The following KIAA1328 variants were observed in gnomAD, a reference collection of about 807,000 sequenced individuals.
The protein encoded by KIAA1328 is protein hinderin.
A neutral mutation model predicts 68.1 loss-of-function variants in KIAA1328; 52 were observed. The observed-to-expected ratio is 0.76, with a 90% CI of 0.61 to 0.96. The LOEUF (loss-of-function observed/expected upper bound fraction) is 0.96, where lower values mean the gene tolerates loss of function less well. KIAA1328 is among the 40% of genes least tolerant of loss of function. The probability of loss-of-function intolerance (pLI) is 0.00; values close to 1 mark genes in which losing one functional copy is unlikely to be tolerated. For synonymous variants in KIAA1328, 232 were observed against 239.4 expected (o/e 0.97, Z 0.28); for missense variants, 641 against 677.6 (o/e 0.95, Z 0.60).
chr18:36,928,708 G>A (rs558202230), intron 5 of KIAA1328, among the ~76,000 whole-genome samples: 3 of 152,300 alleles, frequency 2.0e-5, no homozygotes, highest in East Asian at 3.9e-4. Flanking sequence ...GTGTGCGCAC[G>A]CATGTGCACA....
At chr18:36,954,598 T>C (rs1411849188) in intron 5 of KIAA1328, 1 of 152,178 alleles carries the variant, frequency 6.6e-6, no homozygotes, top group Non-Finnish European at 1.5e-5. Flanking sequence ...GAATTAGTTA[T>C]TACATTGGGC....
At chr18:37,064,910 CAG>C (rs2056291482) in intron 6 of KIAA1328, among the ~76,000 whole-genome samples, 1 of 152,188 alleles carries the variant, frequency 6.6e-6, no homozygotes, top group Admixed American at 6.5e-5. Context: ...CCCAGTGAAA[CAG>C]ATTTCTAATT....
intron 6 of KIAA1328, among the ~76,000 whole-genome samples, chr18:37,046,632 C>T (rs1178918793): frequency 4.6e-5 from 7 of 152,212 alleles, no homozygotes; most frequent in Admixed American, 4.6e-4. Flanking sequence ...ACCTTGGTAA[C>T]ACTTCAGTGC....
chr18:37,156,341 G>A (rs1038720056), intron 7 of KIAA1328, among the ~76,000 whole-genome samples: 5 of 148,754 alleles, frequency 3.4e-5, no homozygotes, highest in African/African-American at 1.2e-4. Context: ...CAGGAGAACC[G>A]CTTGAACCCG....
At chr18:37,212,306 G>A (rs1195680128) in intron 9 of KIAA1328, among the ~76,000 whole-genome samples, 1 of 152,142 alleles carries the variant, frequency 6.6e-6, no homozygotes, top group Non-Finnish European at 1.5e-5. Context: ...AATAAAAGCT[G>A]CAAAAGAAAA....
chr18:36,941,732 C>G (rs958115545), intron 5 of KIAA1328, among the ~76,000 whole-genome samples: 1 of 152,036 alleles, frequency 6.6e-6, no homozygotes, highest in Admixed American at 6.5e-5. Context: ...CATAATTACT[C>G]TTACCCTATT....
At chr18:36,844,636 C>G (rs1178164449) in intron 4 of KIAA1328, among the ~76,000 whole-genome samples, 2 of 151,840 alleles carry the variant, frequency 1.3e-5, no homozygotes, top group African/African-American at 4.8e-5. Context: ...TAGCAGTTAC[C>G]TTTGATTTTT....
Position 37,067,562 on chromosome 18 carries a change from C to CT in KIAA1328, c.1232+33dup, listed in dbSNP as rs11311186. 0.058 allele frequency: 75,333 copies of CT among 1,306,364 alleles called. No individual in the cohort carries two copies. Among genetic ancestry groups the CT allele is most frequent in the East Asian group, 0.07 (2,597 of 36,918 alleles). The allele number at this position is 1,306,364 out of a possible 1,614,324, so 80.9% of individuals were successfully genotyped here. A position where few individuals can be genotyped will look rare whatever the true frequency, so the allele number is the denominator to read the frequency against. ...TTACAATTGGTGAGTACTGCCTGTT[C>CT]TTTTTTTTTTTTTTTTGAGACGAAA... On this transcript the variant is annotated intron_variant, in intron 7 of 9. Transcript: ENST00000280020.
chr18:36,871,638 G>A (rs1215216958), intron 4 of KIAA1328, among the ~76,000 whole-genome samples: 1 of 152,044 alleles, frequency 6.6e-6, no homozygotes, highest in Non-Finnish European at 1.5e-5. Flanking sequence ...ATGTAGGTAT[G>A]TCTAAGTGAC....
At chr18:36,865,450 A>G (rs1293106172) in intron 4 of KIAA1328, among the ~76,000 whole-genome samples, 2 of 152,134 alleles carry the variant, frequency 1.3e-5, no homozygotes, top group East Asian at 3.9e-4. Flanking sequence ...TTGTTTTATG[A>G]TGTAGTATAT....
chr18:36,922,867 A>G (rs1447921932), intron 5 of KIAA1328, among the ~76,000 whole-genome samples: 1 of 152,092 alleles, frequency 6.6e-6, no homozygotes, highest in Non-Finnish European at 1.5e-5. Flanking sequence ...TTTGGGGGTC[A>G]TTTTACGTAC....
chr18:37,130,902 T>C (rs1047715869), intron 7 of KIAA1328, among the ~76,000 whole-genome samples: 6 of 152,216 alleles, frequency 3.9e-5, no homozygotes, highest in Non-Finnish European at 7.3e-5. Flanking sequence ...TGGCCATATG[T>C]TCCAGGGCTT....
chr18:36,936,752 TTCTC>T (rs1157288055), intron 5 of KIAA1328, among the ~76,000 whole-genome samples: 1 of 152,228 alleles, frequency 6.6e-6, no homozygotes, highest in Non-Finnish European at 1.5e-5. Flanking sequence ...GCTTTTCTAT[TTCTC>T]CACAGCCTTG....
intron 6 of KIAA1328, among the ~76,000 whole-genome samples, chr18:37,012,253 C>T (rs1044301832): frequency 5.3e-5 from 8 of 152,138 alleles, no homozygotes; most frequent in African/African-American, 1.9e-4. Context: ...TGTTTCTGAA[C>T]ACCCAGGAAA....
chr18:36,867,631 G>A (rs959372566), intron 4 of KIAA1328, among the ~76,000 whole-genome samples: 4 of 152,148 alleles, frequency 2.6e-5, no homozygotes, highest in African/African-American at 9.7e-5. Flanking sequence ...CATGTATCTT[G>A]GAGGGTTTAA....
At chr18:37,060,722 G>T (rs1004154191) in intron 6 of KIAA1328, among the ~76,000 whole-genome samples, 1 of 152,040 alleles carries the variant, frequency 6.6e-6, no homozygotes, top group African/African-American at 2.4e-5. Flanking sequence ...CCTAATATAA[G>T]ACTATTCATA....
chr18:37,225,649 G>T (rs1450476432), downstream of KIAA1328, among the ~76,000 whole-genome samples: 1 of 152,172 alleles, frequency 6.6e-6, no homozygotes, highest in Admixed American at 6.5e-5. Flanking sequence ...TAGCTGCTCA[G>T]CAAGGAAGAA....
At chr18:37,013,913 A>G (rs1319131589) in intron 6 of KIAA1328, among the ~76,000 whole-genome samples, 1 of 152,210 alleles carries the variant, frequency 6.6e-6, no homozygotes, top group Non-Finnish European at 1.5e-5. Flanking sequence ...TTCTTGAGAA[A>G]TCTCCAGACT....
At chr18:37,048,093 G>T (rs1244479372) in intron 6 of KIAA1328, among the ~76,000 whole-genome samples, 1 of 151,988 alleles carries the variant, frequency 6.6e-6, no homozygotes, top group East Asian at 1.9e-4. Context: ...CTTCCAAAAT[G>T]TCCAGCATCT....
Sources: allele counts gnomAD v4.1 joint callset (sites outside exome capture counted in the v4.1 genomes callset), GRCh38; gene constraint gnomAD v4.1.1; transcripts MANE v1.5; gene names NCBI Gene and HGNC (gene_info 2026-07-23, HGNC 2026-07-21).